The following CDH13 variants were observed in gnomAD, a reference collection of about 807,000 sequenced individuals.
The protein encoded by CDH13 is cadherin-13.
CDH13 carries 24 observed loss-of-function variants against 63.8 expected under a neutral mutation model. The ratio of observed to expected loss-of-function variants is 0.38; its 90% CI spans 0.27 to 0.53. The LOEUF (loss-of-function observed/expected upper bound fraction) is 0.53. Among genes scored for constraint, CDH13 ranks in the 20% least tolerant of loss-of-function variants. The pLI is 0.85. For missense variants in CDH13, 1,049 were observed against 903.1 expected (o/e 1.16, Z -2.07); for synonymous variants, 503 against 355.3 (o/e 1.42, Z -4.67).
intron 1 of CDH13, among the ~76,000 whole-genome samples, chr16:82,720,380 TATTA>T (rs1597399885): frequency 6.6e-6 from 1 of 152,340 alleles, no homozygotes; most frequent in South Asian, 2.1e-4. Context: ...CAATACTTCG[TATTA>T]ATTAATTCAC....
intron 2 of CDH13, among the ~76,000 whole-genome samples, chr16:82,955,353 G>A (rs1002510079): frequency 2.6e-5 from 4 of 152,164 alleles, no homozygotes; most frequent in Middle Eastern, 3.2e-3. Context: ...GGATGTTATC[G>A]GTACATGATC....
intron 10 of CDH13, among the ~76,000 whole-genome samples, chr16:83,743,748 C>CTTTTTTCTT (rs1912281994): frequency 3.1e-4 from 24 of 76,240 alleles, no homozygotes; most frequent in African/African-American, 1.2e-3. Context: ...TTTCTTTTTT[C>CTTTTTTCTT]TTTTTTTTTT....
At chr16:83,405,385 C>G (rs11647403) in intron 6 of CDH13, among the ~76,000 whole-genome samples, 112,614 of 152,060 alleles carry the variant, frequency 0.74, 41,848 homozygotes, top group East Asian at 0.88. Context: ...TAGTCTGATA[C>G]GCCCAATGTA....
At chr16:83,425,486 A>G (rs1485924899) in intron 6 of CDH13, among the ~76,000 whole-genome samples, 2 of 152,250 alleles carry the variant, frequency 1.3e-5, no homozygotes, top group Non-Finnish European at 2.9e-5. Context: ...GGAGGCTCAC[A>G]GAGAAGATGA....
chr16:82,830,320 G>C (rs79544154), intron 1 of CDH13, among the ~76,000 whole-genome samples: 372 of 152,302 alleles, frequency 2.4e-3, no homozygotes, highest in Non-Finnish European at 4.2e-3. Context: ...ACTGTGCTAG[G>C]CTCTGTTATG....
chr16:83,016,449 A>C (rs564904233), intron 2 of CDH13, among the ~76,000 whole-genome samples: 1 of 152,306 alleles, frequency 6.6e-6, no homozygotes, highest in Non-Finnish European at 1.5e-5. Flanking sequence ...CTAGCCAGAG[A>C]TATGGAGATA....
chr16:83,038,836 T>C (rs537826148), intron 3 of CDH13, among the ~76,000 whole-genome samples: 9 of 152,076 alleles, frequency 5.9e-5, no homozygotes, highest in African/African-American at 2.2e-4. Flanking sequence ...CCATACTTAC[T>C]CTTTCTTTCT....
chr16:82,886,097 T>A (rs2040878500), intron 2 of CDH13, among the ~76,000 whole-genome samples: 1 of 152,260 alleles, frequency 6.6e-6, no homozygotes, highest in South Asian at 2.1e-4. Context: ...GATATCCATC[T>A]GTTTCATCAG....
intron 10 of CDH13, among the ~76,000 whole-genome samples, chr16:83,740,335 T>C (rs1350349927): frequency 1.3e-5 from 2 of 151,772 alleles, no homozygotes; most frequent in Admixed American, 6.6e-5. Context: ...CTTTGGAGAA[T>C]GGACTGTAGC....
intron 1 of CDH13, among the ~76,000 whole-genome samples, chr16:82,742,679 T>C (rs2033985909): frequency 6.6e-6 from 1 of 152,198 alleles, no homozygotes; most frequent in African/African-American, 2.4e-5. Flanking sequence ...TAAAGGAAGA[T>C]AAAGTAGGAA....
At chr16:82,940,748 C>A (rs1454242768) in intron 2 of CDH13, among the ~76,000 whole-genome samples, 4 of 152,146 alleles carry the variant, frequency 2.6e-5, no homozygotes, top group African/African-American at 9.7e-5. Context: ...AGGCCCTATT[C>A]CTACTAATCA....
intron 2 of CDH13, among the ~76,000 whole-genome samples, chr16:82,910,145 G>A (rs944706756): frequency 4.6e-5 from 7 of 152,182 alleles, no homozygotes; most frequent in African/African-American, 1.7e-4. Context: ...GTCCCTGGGT[G>A]TCTATGCTCA....
At chr16:83,375,001 T>C (rs1427209975) in intron 6 of CDH13, among the ~76,000 whole-genome samples, 6 of 152,218 alleles carry the variant, frequency 3.9e-5, no homozygotes, top group Non-Finnish European at 7.3e-5. Flanking sequence ...CCGAAAATGA[T>C]GTAATGATAT....
At chr16:83,677,064 G>A (rs3784942) in intron 9 of CDH13, among the ~76,000 whole-genome samples, 54,689 of 152,022 alleles carry the variant, frequency 0.36, 10,511 homozygotes, top group African/African-American at 0.48. Context: ...TGGGTTAGCT[G>A]TTTGTTCCAG....
chr16:82,765,440 T>G (rs8060604), intron 1 of CDH13, among the ~76,000 whole-genome samples: 1,655 of 152,236 alleles, frequency 0.011, 28 homozygotes, highest in African/African-American at 0.038. Context: ...TCCTTCTATT[T>G]TAACTGTCAA....
intron 2 of CDH13, among the ~76,000 whole-genome samples, chr16:82,910,503 C>T (rs2041796337): frequency 1.3e-5 from 2 of 152,088 alleles, no homozygotes; most frequent in Admixed American, 6.5e-5. Flanking sequence ...ATATCTTCCC[C>T]AGACAAACCT....
intron 10 of CDH13, among the ~76,000 whole-genome samples, chr16:83,701,046 G>A (rs1273743018): frequency 1.3e-5 from 2 of 152,202 alleles, no homozygotes; most frequent in East Asian, 3.8e-4. Context: ...TGAGCTGGGG[G>A]ATTCTAGGGA....
chr16:83,794,285 G>A (rs919064540), intron 13 of CDH13, among the ~76,000 whole-genome samples: 2 of 152,216 alleles, frequency 1.3e-5, no homozygotes, highest in Non-Finnish European at 2.9e-5. Flanking sequence ...GTGGCTCACA[G>A]GTGAGCCTAT....
intron 5 of CDH13, among the ~76,000 whole-genome samples, chr16:83,284,040 G>C (rs1231329464): frequency 6.6e-6 from 1 of 152,192 alleles, no homozygotes; most frequent in African/African-American, 2.4e-5. Flanking sequence ...TTCTCTGTGA[G>C]ATCTGAAACC....
Sources: gnomAD v4.1 joint callset for allele counts (sites outside exome capture counted in the v4.1 genomes callset) on GRCh38, gnomAD v4.1.1 for gene constraint, MANE v1.5 for transcripts, NCBI Gene and HGNC (gene_info 2026-07-23, HGNC 2026-07-21) for gene names.